RSPO2: variants seen among roughly 807,000 people sequenced by gnomAD.
RSPO2 encodes the protein R-spondin-2.
RSPO2 carries 14 observed loss-of-function variants against 30.9 expected under a neutral mutation model. The observed-to-expected ratio is 0.45, with a 90% CI of 0.30 to 0.71. RSPO2 has a LOEUF of 0.71. Among genes scored for constraint, RSPO2 ranks in the 30% least tolerant of loss-of-function variants. RSPO2 has a pLI of 0.08. For missense variants in RSPO2, 264 were observed against 301.9 expected (o/e 0.87, Z 0.93); for synonymous variants, 107 against 96.4 (o/e 1.11, Z -0.64).
At chr8:108,039,653 C>T (rs995194852) in intron 2 of RSPO2, among the ~76,000 whole-genome samples, 1 of 152,156 alleles carries the variant, frequency 6.6e-6, no homozygotes, top group Non-Finnish European at 1.5e-5. Context: ...CAGGCCCCCA[C>T]CCATCCAGCC....
chr8:108,063,774 AACTATACT>A (rs1201758196), intron 2 of RSPO2, among the ~76,000 whole-genome samples: 2 of 152,126 alleles, frequency 1.3e-5, no homozygotes, highest in Non-Finnish European at 2.9e-5. Flanking sequence ...CCTGACTTCA[AACTATACT>A]ACAAGGCTAC....
chr8:107,966,851 ACAAT>A (rs575289455), intron 3 of RSPO2, among the ~76,000 whole-genome samples: 388 of 152,350 alleles, frequency 2.5e-3, no homozygotes, highest in Middle Eastern at 6.8e-3. Flanking sequence ...TATATATATT[ACAAT>A]CAATTATTGG....
rs1811448599 is a variant in RSPO2, at chr8:107,901,164, TCTC to T, written c.640_642del (p.Glu214del). On this transcript the variant is annotated inframe_deletion, in exon 6 of 6. Coordinates refer to ENST00000276659, the MANE Select transcript of RSPO2 (RefSeq NM_178565.5). ...TTCCTTTTCTTTTTCTTGTTCCTCT[TCTC>T]CTTCGCCTTTGGTGTTCTCTTCCCT... 6.8e-6 allele frequency: 11 copies of T among 1,613,894 alleles called. No individual in the cohort carries two copies. Among genetic ancestry groups the T allele is most frequent in the Non-Finnish European group, 7.6e-6 (9 of 1,179,900 alleles).
At chr8:107,955,751 A>C (rs138791094) in intron 5 of RSPO2, among the ~76,000 whole-genome samples, 5 of 152,316 alleles carry the variant, frequency 3.3e-5, no homozygotes, top group African/African-American at 1.2e-4. Context: ...TATGCCTTTC[A>C]GTAATCAGAA....
chr8:107,965,389 C>T (rs891154905), intron 3 of RSPO2, among the ~76,000 whole-genome samples: 16 of 152,156 alleles, frequency 1.1e-4, no homozygotes, highest in Admixed American at 2.0e-4. Flanking sequence ...TACAGTACCC[C>T]GTACGGGCTC....
At chr8:108,007,429 C>T (rs1450619236) in intron 2 of RSPO2, among the ~76,000 whole-genome samples, 1 of 152,092 alleles carries the variant, frequency 6.6e-6, no homozygotes, top group Non-Finnish European at 1.5e-5. Flanking sequence ...AGAAAAGTTG[C>T]CTTTATAATG....
At chr8:107,910,232 A>G (rs1340642612) in intron 5 of RSPO2, among the ~76,000 whole-genome samples, 3 of 152,236 alleles carry the variant, frequency 2.0e-5, no homozygotes, top group Admixed American at 2.0e-4. Flanking sequence ...CATTAACTAA[A>G]TGAAAAACAA....
chr8:107,954,718 C>A (rs1277757208), intron 5 of RSPO2, among the ~76,000 whole-genome samples: 1 of 152,148 alleles, frequency 6.6e-6, no homozygotes, highest in Non-Finnish European at 1.5e-5. Flanking sequence ...TCAAGCCACT[C>A]TCCTGCCTCA....
chr8:107,973,086 C>T (rs1486026229), intron 3 of RSPO2, among the ~76,000 whole-genome samples: 2 of 152,020 alleles, frequency 1.3e-5, no homozygotes, highest in East Asian at 3.9e-4. Flanking sequence ...CTGGCTAACA[C>T]GGTGAAACCT....
At chr8:107,920,475 A>G (rs1007698612) in intron 5 of RSPO2, among the ~76,000 whole-genome samples, 2 of 152,158 alleles carry the variant, frequency 1.3e-5, no homozygotes, top group Admixed American at 1.3e-4. Flanking sequence ...GAAGTCTGCA[A>G]TGGAAACATT....
intron 5 of RSPO2, among the ~76,000 whole-genome samples, chr8:107,932,513 A>T (rs1255292692): frequency 6.6e-6 from 1 of 152,194 alleles, no homozygotes; most frequent in East Asian, 1.9e-4. Flanking sequence ...TAATAACGAC[A>T]TGCAGAAAGA....
chr8:108,041,156 G>GT (rs1233486892), intron 2 of RSPO2, among the ~76,000 whole-genome samples: 1 of 128,900 alleles, frequency 7.8e-6, no homozygotes, highest in East Asian at 2.2e-4. Flanking sequence ...CAAAAATCAG[G>GT]TTTTTTCTCC....
chr8:108,055,915 G>A (rs1349433832), intron 2 of RSPO2, among the ~76,000 whole-genome samples: 2 of 152,116 alleles, frequency 1.3e-5, no homozygotes, highest in African/African-American at 4.8e-5. Context: ...TCCATCTCGT[G>A]GTTAAGAGCA....
At chr8:107,977,309 G>A (rs1170866756) in intron 3 of RSPO2, among the ~76,000 whole-genome samples, 1 of 152,158 alleles carries the variant, frequency 6.6e-6, no homozygotes, top group Non-Finnish European at 1.5e-5. Context: ...AGCCAGTCGG[G>A]TCAGCCACAC....
intron 2 of RSPO2, among the ~76,000 whole-genome samples, chr8:108,038,309 G>A (rs1811656979): frequency 6.6e-6 from 1 of 152,166 alleles, no homozygotes; most frequent in African/African-American, 2.4e-5. Flanking sequence ...TGACTGAATT[G>A]CTACAATTTC....
At chr8:107,914,409 C>T (rs768848827) in intron 5 of RSPO2, among the ~76,000 whole-genome samples, 3 of 151,170 alleles carry the variant, frequency 2.0e-5, no homozygotes, top group Non-Finnish European at 4.4e-5. Flanking sequence ...GAGAAGACTA[C>T]AGAGAATGCA....
intron 5 of RSPO2, among the ~76,000 whole-genome samples, chr8:107,931,817 T>A (rs1254731729): frequency 6.6e-6 from 1 of 152,146 alleles, no homozygotes; most frequent in Non-Finnish European, 1.5e-5. Flanking sequence ...GGTAAGCTGT[T>A]CCTTGTGTAT....
intron 2 of RSPO2, among the ~76,000 whole-genome samples, chr8:108,036,201 T>G (rs776428907): frequency 1.1e-4 from 16 of 152,170 alleles, no homozygotes; most frequent in Non-Finnish European, 2.2e-4. Flanking sequence ...CTGACCCTCA[T>G]TAGGAATGCA....
chr8:107,996,852 G>T, intron 2 of RSPO2: 1 of 436,002 alleles, frequency 2.3e-6, no homozygotes, highest in Non-Finnish European at 4.6e-6. Context: ...TAAAAGCATT[G>T]TTTTATTTAC....
Sources: allele counts gnomAD v4.1 joint callset (sites outside exome capture counted in the v4.1 genomes callset), GRCh38; gene constraint gnomAD v4.1.1; transcripts MANE v1.5; gene names NCBI Gene and HGNC (gene_info 2026-07-23, HGNC 2026-07-21).